CDC42BPA: variants seen among roughly 807,000 people sequenced by gnomAD.
CDC42BPA encodes the protein serine/threonine-protein kinase MRCK alpha.
Under a neutral mutation model 223.5 loss-of-function variants are expected in CDC42BPA, and 80 were observed. The observed-to-expected ratio is 0.36, with a 90% CI of 0.30 to 0.43. The LOEUF is 0.43. Ranked by LOEUF, CDC42BPA falls within the 20% of genes least tolerant of loss-of-function variation. The pLI, the probability that CDC42BPA is intolerant of heterozygous loss-of-function variation, is 1.00. For missense variants in CDC42BPA, 1,743 were observed against 2,099.9 expected (o/e 0.83, Z 3.32); for synonymous variants, 694 against 718.6 (o/e 0.97, Z 0.55).
chr1:227,244,434 A>T (rs997709542), intron 2 of CDC42BPA, among the ~76,000 whole-genome samples: 7 of 150,612 alleles, frequency 4.6e-5, no homozygotes, highest in Non-Finnish European at 5.9e-5. Context: ...AAAAACAAGC[A>T]AAAAAAATCT....
chr1:227,302,821 G>C (rs1488272624), intron 1 of CDC42BPA, among the ~76,000 whole-genome samples: 1 of 151,402 alleles, frequency 6.6e-6, no homozygotes, highest in East Asian at 1.9e-4. Flanking sequence ...TCTCTCTGTG[G>C]CTTTTTGCTC....
At chr1:227,255,729 A>C (rs1192461419) in intron 1 of CDC42BPA, among the ~76,000 whole-genome samples, 2 of 152,240 alleles carry the variant, frequency 1.3e-5, no homozygotes, top group Non-Finnish European at 2.9e-5. Context: ...AAAGTACTTA[A>C]AGATAAATTT....
chr1:227,129,702 C>CACATATATATATATATATAT, intron 10 of CDC42BPA, among the ~76,000 whole-genome samples: 1 of 70,918 alleles, frequency 1.4e-5, no homozygotes, highest in South Asian at 3.5e-4. Context: ...AAATCCACTG[C>CACATATATATATATATATAT]ATATATATAT....
At chr1:227,253,261 A>G (rs1214622917) in intron 2 of CDC42BPA, among the ~76,000 whole-genome samples, 1 of 141,542 alleles carries the variant, frequency 7.1e-6, no homozygotes, top group Non-Finnish European at 1.6e-5. Context: ...AGAGAGAGCG[A>G]GAGAGAGCGC....
chr1:227,245,689 G>A (rs1418431952), intron 2 of CDC42BPA, among the ~76,000 whole-genome samples: 1 of 152,154 alleles, frequency 6.6e-6, no homozygotes, highest in East Asian at 1.9e-4. Context: ...GCTCCCCAAT[G>A]ATATTTCTAG....
chr1:227,182,934 T>C (rs1381841679), intron 5 of CDC42BPA: 1 of 152,236 alleles, frequency 6.6e-6, no homozygotes, highest in Non-Finnish European at 1.5e-5. Flanking sequence ...GCCTTTGGAC[T>C]TGCACCAGCA....
At chr1:227,112,282 A>T (rs1410154639) in intron 14 of CDC42BPA, 30 bp downstream of exon 14, 2 of 1,306,960 alleles carry the variant, frequency 1.5e-6, no homozygotes, top group Admixed American at 2.0e-5. Context: ...AAAATCAATT[A>T]AGCTTCATAA....
At chr1:227,296,670 C>T (rs1262326077) in intron 1 of CDC42BPA, among the ~76,000 whole-genome samples, 3 of 146,132 alleles carry the variant, frequency 2.1e-5, no homozygotes, top group Admixed American at 6.9e-5. Context: ...TGTGCCACTG[C>T]ACTCCAGCCT....
intron 20 of CDC42BPA, among the ~76,000 whole-genome samples, chr1:227,070,406 C>A (rs973756248): frequency 2.0e-5 from 3 of 151,674 alleles, no homozygotes; most frequent in Admixed American, 6.6e-5. Context: ...TTTAAAAATT[C>A]ATACATATCT....
At chr1:227,202,456 C>T (rs1040491768) in intron 3 of CDC42BPA, among the ~76,000 whole-genome samples, 9 of 152,064 alleles carry the variant, frequency 5.9e-5, no homozygotes, top group African/African-American at 1.7e-4. Flanking sequence ...ACTATAATAG[C>T]AATCCGAAAT....
At chr1:227,133,288 G>A (rs1294101459) in intron 10 of CDC42BPA, among the ~76,000 whole-genome samples, 1 of 151,740 alleles carries the variant, frequency 6.6e-6, no homozygotes, top group Non-Finnish European at 1.5e-5. Context: ...CGCCCCTACT[G>A]GGAAGTGAGG....
intron 15 of CDC42BPA, among the ~76,000 whole-genome samples, chr1:227,100,044 T>C (rs773371253): frequency 1.6e-4 from 24 of 152,174 alleles, no homozygotes; most frequent in African/African-American, 4.3e-4. Flanking sequence ...TTGAATAAAT[T>C]TGGGCTTCCA....
At position 227,317,207 on chromosome 1, in the gene CDC42BPA, T is replaced by C; in HGVS notation, c.-25A>G. On this transcript the variant is annotated 5_prime_UTR_variant, in exon 1 of 37. Coordinates refer to ENST00000366766, the MANE Select transcript of CDC42BPA (RefSeq NM_001394014.1). ...TGTTTGCTTCGATTTCTGCTGGTTT[T>C]CCTTTAAATTATTATGATGACTTTT... is the stretch of plus-strand genomic sequence containing the variant. The C allele has an allele frequency of 6.3e-7, 1 of 1,588,602 alleles. No homozygotes were observed. Among genetic ancestry groups the C allele is most frequent in the East Asian group, 2.2e-5 (1 of 44,470 alleles).
chr1:227,018,242 AATGTG>A (rs1666699554), intron 32 of CDC42BPA, among the ~76,000 whole-genome samples: 2 of 152,014 alleles, frequency 1.3e-5, no homozygotes, highest in African/African-American at 4.8e-5. Context: ...AGTGAATGAG[AATGTG>A]GGACACAAAT....
intron 21 of CDC42BPA, among the ~76,000 whole-genome samples, chr1:227,060,040 T>TG (rs1219377718): frequency 4.2e-5 from 6 of 144,488 alleles, no homozygotes; most frequent in Admixed American, 6.9e-5. Flanking sequence ...GTTTTTTTTT[T>TG]TTTTTTTTGA....
intron 16 of CDC42BPA, among the ~76,000 whole-genome samples, chr1:227,086,085 T>C (rs1405918188): frequency 3.9e-5 from 6 of 151,918 alleles, no homozygotes; most frequent in Non-Finnish European, 8.8e-5. Flanking sequence ...AATAACAGAA[T>C]ATGCAGTCTT....
chr1:227,270,186 A>C (rs1385638840), intron 1 of CDC42BPA, among the ~76,000 whole-genome samples: 1 of 152,216 alleles, frequency 6.6e-6, no homozygotes, highest in Admixed American at 6.5e-5. Flanking sequence ...TGAAAAAAGC[A>C]GTCACATAAA....
At chr1:227,038,515 T>G (rs1670759063) in intron 24 of CDC42BPA, among the ~76,000 whole-genome samples, 1 of 152,222 alleles carries the variant, frequency 6.6e-6, no homozygotes, top group Non-Finnish European at 1.5e-5. Flanking sequence ...AAATTAATCT[T>G]GTTCATGCTC....
chr1:227,227,314 C>A (rs1677034730), intron 2 of CDC42BPA, among the ~76,000 whole-genome samples: 1 of 152,176 alleles, frequency 6.6e-6, no homozygotes, highest in Non-Finnish European at 1.5e-5. Flanking sequence ...CTGGCCATCT[C>A]TCTTCTCTGA....
Sources: gnomAD v4.1 joint callset for allele counts (sites outside exome capture counted in the v4.1 genomes callset) on GRCh38, gnomAD v4.1.1 for gene constraint, MANE v1.5 for transcripts, NCBI Gene and HGNC (gene_info 2026-07-23, HGNC 2026-07-21) for gene names.